The following C6orf89 variants were observed in gnomAD, a reference collection of about 807,000 sequenced individuals.
C6orf89 encodes the protein bombesin receptor-activated protein C6orf89.
C6orf89 carries 29 observed loss-of-function variants against 40.7 expected under a neutral mutation model. The observed-to-expected ratio is 0.71, with a 90% CI of 0.53 to 0.97. The LOEUF is 0.97. Ranked by LOEUF, C6orf89 falls within the 50% of genes least tolerant of loss-of-function variation. The pLI is 0.00. For missense variants in C6orf89, 392 were observed against 429.1 expected (o/e 0.91, Z 0.76); for synonymous variants, 165 against 152.2 (o/e 1.08, Z -0.62).
chr6:36,918,159 G>A (rs1256971577), intron 7 of C6orf89, among the ~76,000 whole-genome samples: 2 of 152,224 alleles, frequency 1.3e-5, no homozygotes, highest in African/African-American at 4.8e-5. Context: ...CAGAATTGGG[G>A]AGCTGGTTGT....
At chr6:36,907,574 A>G (rs968746698) in intron 4 of C6orf89, among the ~76,000 whole-genome samples, 2 of 152,228 alleles carry the variant, frequency 1.3e-5, no homozygotes, top group African/African-American at 2.4e-5. Context: ...TGACATCTCC[A>G]ACAGTGAAAT....
In C6orf89 at chr6:36,923,765, C is replaced by G. The variant is rs1430066692; in HGVS notation, c.*324C>G. On this transcript the variant is annotated 3_prime_UTR_variant, in exon 9 of 9. Transcript: ENST00000480824. ...TTCAGGCAGGAAACAGGGCTGGTGC[C>G]TTTCTTCACCTGCATGGCCAGCTTC... 2 of 363,758 alleles carry G rather than the reference C, an allele frequency of 5.5e-6. No individual in the cohort carries two copies. The highest frequency in any genetic ancestry group is 1.1e-5 in the Non-Finnish European group (2 of 186,988). 22.5% of individuals were successfully genotyped at this position (363,758 alleles called of 1,614,324 possible).
chr6:36,905,117 C>T (rs1454207210), intron 4 of C6orf89, among the ~76,000 whole-genome samples: 2 of 152,202 alleles, frequency 1.3e-5, no homozygotes, highest in Non-Finnish European at 2.9e-5. Context: ...AGATGCCAGA[C>T]CCTGTTCAGG....
At chr6:36,919,783 C>A in intron 8 of C6orf89, 82 bp downstream of exon 8, 1 of 1,408,800 alleles carries the variant, frequency 7.1e-7, no homozygotes, top group Non-Finnish European at 9.5e-7. Flanking sequence ...CACATACTGC[C>A]TTCACAAAAG....
chr6:36,901,702 G>A (rs1277994127), intron 3 of C6orf89, among the ~76,000 whole-genome samples: 2 of 139,826 alleles, frequency 1.4e-5, no homozygotes, highest in African/African-American at 2.7e-5. Context: ...GGAGTCTCTC[G>A]CTCTGTCGCC....
intron 2 of C6orf89, among the ~76,000 whole-genome samples, chr6:36,879,801 T>C (rs1774755791): frequency 6.6e-6 from 1 of 152,194 alleles, no homozygotes; most frequent in Admixed American, 6.5e-5. Flanking sequence ...CTTGACCTCG[T>C]AACCACGTGG....
chr6:36,877,058 T>C (rs1774678317), intron 1 of C6orf89, among the ~76,000 whole-genome samples: 1 of 152,244 alleles, frequency 6.6e-6, no homozygotes, highest in African/African-American at 2.4e-5. Context: ...GTACGTATTT[T>C]TTTGTGCCTG....
In C6orf89 at chr6:36,914,399, A is replaced by C; in HGVS notation, c.519A>C (p.Pro173=). The change falls in exon 5 of 9, where the codon CCA becomes CCC. Residue 173 remains proline, a synonymous_variant. Transcript: ENST00000480824. ...AGGTGATGCTCCTGGAAGACGCCCCAAGGAAATTTGAGAGGCTCCATCCAC... is the reference window on the plus strand; with the variant it reads ...AGGTGATGCTCCTGGAAGACGCCCCCAGGAAATTTGAGAGGCTCCATCCAC... ...HLKVMLLEDA[P]RKFERLHPLV... 1 of 1,614,226 alleles carries C rather than the reference A, an allele frequency of 6.2e-7. No homozygotes were observed. The highest frequency in any genetic ancestry group is 8.5e-7 in the Non-Finnish European group (1 of 1,180,028).
intron 1 of C6orf89, among the ~76,000 whole-genome samples, chr6:36,878,421 C>T (rs976088867): frequency 2.0e-5 from 3 of 152,228 alleles, no homozygotes; most frequent in Non-Finnish European, 4.4e-5. Context: ...GGTTCAAATG[C>T]TGATCCTTCC....
intron 2 of C6orf89, among the ~76,000 whole-genome samples, chr6:36,899,130 G>T (rs931217578): frequency 5.3e-5 from 8 of 152,136 alleles, no homozygotes; most frequent in African/African-American, 1.9e-4. Flanking sequence ...GTGCTTCAGA[G>T]TCCCATTAGG....
chr6:36,878,032 A>C (rs1774706551), intron 1 of C6orf89, among the ~76,000 whole-genome samples: 1 of 152,222 alleles, frequency 6.6e-6, no homozygotes, highest in Non-Finnish European at 1.5e-5. Flanking sequence ...TCAATATTGC[A>C]GCTCTATAAT....
chr6:36,899,391 TC>T, intron 2 of C6orf89, 34 bp from the exon 3 acceptor site: 1 of 1,605,066 alleles, frequency 6.2e-7, no homozygotes, highest in East Asian at 2.2e-5. Flanking sequence ...AAACCACCTT[TC>T]TTTTTACATT....
chr6:36,901,318 ATTATTTTTTTTTTTTTTT>A (rs1308474767), intron 3 of C6orf89, among the ~76,000 whole-genome samples: 2 of 65,136 alleles, frequency 3.1e-5, no homozygotes, highest in Admixed American at 1.8e-4. Context: ...TATTATTATT[ATTATTTTTTTTTTTTTTT>A]TTTTTTTTTT....
chr6:36,922,167 C>T (rs965250428), intron 8 of C6orf89, among the ~76,000 whole-genome samples: 3 of 151,700 alleles, frequency 2.0e-5, no homozygotes, highest in East Asian at 1.9e-4. Flanking sequence ...GATGAAACCC[C>T]GTCTCTACTA....
At chr6:36,883,584 C>A (rs1583139666), upstream of C6orf89, among the ~76,000 whole-genome samples, 4 of 152,168 alleles carry the variant, frequency 2.6e-5, no homozygotes, top group East Asian at 5.8e-4. Context: ...ACATGAATAA[C>A]CTTATATTTC....
chr6:36,874,739 G>C (rs1250827855), intron 1 of C6orf89: 19 of 1,614,182 alleles, frequency 1.2e-5, no homozygotes, highest in Middle Eastern at 3.3e-4. Context: ...TAAACGTTGG[G>C]TGGCTGCCAG....
At chr6:36,887,916 G>A (rs977822243) in intron 1 of C6orf89, among the ~76,000 whole-genome samples, 3 of 151,994 alleles carry the variant, frequency 2.0e-5, no homozygotes, top group African/African-American at 7.3e-5. Flanking sequence ...TAGATACAGG[G>A]TCTTGCTATG....
intron 4 of C6orf89, among the ~76,000 whole-genome samples, chr6:36,910,015 G>T (rs191301687): frequency 4.8e-4 from 73 of 152,274 alleles, no homozygotes; most frequent in African/African-American, 1.7e-3. Context: ...TGAGGAAACT[G>T]ATGTGCCAAG....
intron 7 of C6orf89, 98 bp from the exon 8 acceptor site, chr6:36,919,480 C>A (rs747964486): frequency 2.4e-4 from 344 of 1,420,698 alleles, no homozygotes; most frequent in Non-Finnish European, 3.0e-4. Flanking sequence ...CTAGGAAACT[C>A]AGAGCCATAT....
Sources: allele counts gnomAD v4.1 joint callset (sites outside exome capture counted in the v4.1 genomes callset), GRCh38; gene constraint gnomAD v4.1.1; transcripts MANE v1.5; gene names NCBI Gene and HGNC (gene_info 2026-07-23, HGNC 2026-07-21).